Variants in RAPH1 observed in about 807,000 individuals in gnomAD.
RAPH1 encodes Ras association (RalGDS/AF-6) and pleckstrin homology domains 1, also known as ras-associated and pleckstrin homology domains-containing protein 1.
In RAPH1, 18 loss-of-function variants were observed where a neutral mutation model predicts 88.1. The observed-to-expected ratio is 0.20, with a 90% confidence interval of 0.14 to 0.30. The LOEUF (loss-of-function observed/expected upper bound fraction) is 0.30. Among genes scored for constraint, RAPH1 ranks in the 10% least tolerant of loss-of-function variants. RAPH1 has a pLI of 1.00. For synonymous variants in RAPH1, 587 were observed against 559.0 expected, an observed-to-expected ratio of 1.05 and a Z score of -0.71; for missense variants, 1,448 against 1,543.2, an observed-to-expected ratio of 0.94 and a Z score of 1.03.
Position 203,454,476 on chromosome 2 carries a change from T to C in RAPH1, c.1367A>G (p.Tyr456Cys), listed in dbSNP as rs748375688. The C allele has an allele frequency of 1.5e-5, 24 of 1,613,690 alleles. No homozygotes were observed. In the South Asian group the frequency reaches 2.5e-4, roughly 17 times the overall value. Residue 456 changes from tyrosine (Y) to cysteine (C), a missense_variant, in exon 10 of 14, where the codon TAT (tyrosine) becomes TGT (cysteine). Tyr to Cys is a radical substitution (Grantham distance 194). This residue lies in a region of RAPH1 where 513 missense variants were observed against 653.1 expected (regional missense o/e 0.79). Transcript: ENST00000319170. ...TGTAGGTGCTTTGTATTTGTTCCGA[T>C]AGTCCTGGCCATAATAAACGTTGAC... ...DHVNVYYGQD[Y>C]RNKYKAPTDY...
chr2:203,486,093 C>CAAA (rs59599120), intron 4 of RAPH1, among the ~76,000 whole-genome samples: 5 of 121,866 alleles, frequency 4.1e-5, no homozygotes, highest in Non-Finnish European at 6.7e-5. Context: ...CTGAAGACTA[C>CAAA]AAAAAAAAAA....
rs2098503937 is a variant in RAPH1 at position 203,441,377 on chromosome 2, G to A, written c.1813C>T (p.Leu605Phe). The A allele has an allele frequency of 6.3e-7, 1 of 1,575,126 alleles. No homozygotes were observed. Among genetic ancestry groups the A allele is most frequent in the Non-Finnish European group, 8.6e-7 (1 of 1,161,922 alleles). Residue 605 changes from leucine to phenylalanine, a missense_variant, in exon 14 of 14, where the codon CTT becomes TTT. Physicochemically the swap from Leu to Phe is conservative, Grantham distance 22. Around this residue, in one of 2 missense-constraint regions of RAPH1, gnomAD observed 935 missense variants for 890.1 expected, o/e 1.05. Transcript: ENST00000319170. ...GGTTGCGGGGATAAAGGGGGCACAAGTGAAGTGTAGGGCCGATTCATAGAC... is the reference window on the plus strand; with the variant it reads ...GGTTGCGGGGATAAAGGGGGCACAAATGAAGTGTAGGGCCGATTCATAGAC... ...MESMNRPYTSLVPPLSPQPKI... is the reference protein window; with the variant it reads ...MESMNRPYTSFVPPLSPQPKI...
rs1010051631 is a variant in RAPH1 at position 203,434,584 on chromosome 2, TAGG to T, written c.*4850_*4852del. On this transcript the variant is annotated 3_prime_UTR_variant, in exon 14 of 14. Transcript: ENST00000319170. ...CAAGTAGCAAAAAAAAAAAAAAAAGTAGGAGGTGGGGAAATAATATGAAAAACG... is the reference window on the plus strand; with the variant it reads ...CAAGTAGCAAAAAAAAAAAAAAAAGTAGGTGGGGAAATAATATGAAAAACG... 7.0e-6 allele frequency: 1 copy of T among 142,724 alleles called. No homozygotes were observed. Among genetic ancestry groups the T allele is most frequent in the Non-Finnish European group, 1.5e-5 (1 of 66,386 alleles). The allele number at this position is 142,724 out of a possible 1,614,324, so 8.8% of individuals were successfully genotyped here.
At chr2:203,473,113 C>A (rs920102642) in intron 4 of RAPH1, among the ~76,000 whole-genome samples, 18 of 152,058 alleles carry the variant, frequency 1.2e-4, no homozygotes, top group Non-Finnish European at 1.9e-4. Flanking sequence ...AAACAACAAA[C>A]ATGTGGAAAC....
intron 1 of RAPH1, among the ~76,000 whole-genome samples, chr2:203,506,099 T>G (rs1049681446): frequency 6.6e-6 from 1 of 152,124 alleles, no homozygotes; most frequent in Non-Finnish European, 1.5e-5. Context: ...CCAAACGCAC[T>G]GGCAAGAAAT....
intron 1 of RAPH1, among the ~76,000 whole-genome samples, chr2:203,533,183 T>C (rs569457920): frequency 5.3e-4 from 81 of 152,332 alleles, no homozygotes; most frequent in Admixed American, 1.3e-3. Context: ...TCACATACTC[T>C]ATAATCTTAG....
At position 203,471,630 on chromosome 2, in the gene RAPH1, A is replaced by G. The variant is rs144071715; in HGVS notation, c.733-9705T>C. Among the ~76,000 whole-genome samples the G allele has an allele frequency of 3.2e-4, 49 of 152,238 alleles. No individual in the cohort carries two copies. The East Asian group carries it at 6.0e-3, about 19-fold the overall frequency. ...TTGTCTCAAGAAAAAAAAAAAGTAC[A>G]TACACGGTCATAGATAAAATACACT... On this transcript the variant is annotated intron_variant, in intron 4 of 13. Transcript: ENST00000319170.
intron 1 of RAPH1, among the ~76,000 whole-genome samples, chr2:203,501,955 G>T (rs1688757392): frequency 6.6e-6 from 1 of 152,130 alleles, no homozygotes; most frequent in Non-Finnish European, 1.5e-5. Context: ...CAGCCTCCCT[G>T]AGTAGCTGGG....
intron 4 of RAPH1, among the ~76,000 whole-genome samples, chr2:203,486,598 GA>G (rs1687984988): frequency 6.6e-6 from 1 of 152,218 alleles, no homozygotes; most frequent in Non-Finnish European, 1.5e-5. Context: ...CTTACCTCTG[GA>G]AGCAGAATAT....
intron 5 of RAPH1, 50 bp downstream of exon 5, chr2:203,461,798 C>G: frequency 7.1e-7 from 1 of 1,416,894 alleles, no homozygotes; most frequent in East Asian, 2.4e-5. Context: ...CTTCACAAAT[C>G]CAAAAAACTG....
At chr2:203,441,896 G>A in intron 13 of RAPH1, 1 of 1,351,234 alleles carries the variant, frequency 7.4e-7, no homozygotes, top group Non-Finnish European at 9.5e-7. Context: ...GGTGGAATGA[G>A]GATGGCTTTT....
At chr2:203,522,348 G>T (rs1411634402) in intron 1 of RAPH1, among the ~76,000 whole-genome samples, 1 of 152,162 alleles carries the variant, frequency 6.6e-6, no homozygotes, top group Admixed American at 6.5e-5. Context: ...AATGAAATAG[G>T]ACAGCATGCA....
At chr2:203,515,003 T>A (rs960704830) in intron 1 of RAPH1, among the ~76,000 whole-genome samples, 2 of 152,204 alleles carry the variant, frequency 1.3e-5, no homozygotes, top group African/African-American at 2.4e-5. Flanking sequence ...TGGTTTTGCA[T>A]TCCCAATCTC....
At chr2:203,477,025 G>A in intron 4 of RAPH1, 1 of 1,276,888 alleles carries the variant, frequency 7.8e-7, no homozygotes, top group Admixed American at 1.7e-5. Context: ...GAGGTCTAAT[G>A]AATGCATTCC....
intron 4 of RAPH1, among the ~76,000 whole-genome samples, chr2:203,472,143 A>T (rs79199273): frequency 0.026 from 3,019 of 116,538 alleles, 59 homozygotes; most frequent in African/African-American, 0.068. Context: ...TTTTTTTTTT[A>T]TTTTTTTGAG....
intron 1 of RAPH1, among the ~76,000 whole-genome samples, chr2:203,531,113 G>A (rs1390757473): frequency 6.6e-6 from 1 of 152,104 alleles, no homozygotes; most frequent in African/African-American, 2.4e-5. Flanking sequence ...CATAAGAGTT[G>A]AAACTATAAA....
intron 4 of RAPH1, among the ~76,000 whole-genome samples, chr2:203,468,346 C>T (rs968039460): frequency 6.6e-6 from 1 of 152,132 alleles, no homozygotes; most frequent in Non-Finnish European, 1.5e-5. Context: ...GGGTGACTGG[C>T]AAAACGGTCT....
intron 1 of RAPH1, among the ~76,000 whole-genome samples, chr2:203,499,423 A>G (rs1421878690): frequency 6.6e-6 from 1 of 151,848 alleles, no homozygotes; most frequent in Non-Finnish European, 1.5e-5. Flanking sequence ...TTTAACAGCA[A>G]CAAAAAAAAA....
At chr2:203,471,473 G>A (rs2098533023) in intron 4 of RAPH1, among the ~76,000 whole-genome samples, 1 of 152,108 alleles carries the variant, frequency 6.6e-6, no homozygotes. Flanking sequence ...TTAGCTGGGT[G>A]TGCTGGCAGG....
Sources: gnomAD v4.1 joint callset for allele counts (sites outside exome capture counted in the v4.1 genomes callset) on GRCh38, gnomAD v4.1.1 for gene constraint, gnomAD v4.1.1 regional missense constraint, MANE v1.5 for transcripts, NCBI Gene and HGNC (gene_info 2026-07-23, HGNC 2026-07-21) for gene names.